The following POU2F2 variants were observed in gnomAD, a reference collection of about 807,000 sequenced individuals.
POU2F2 encodes POU class 2 homeobox 2.
POU2F2 carries 14 observed loss-of-function variants against 63.5 expected under a neutral mutation model. The observed-to-expected ratio is 0.22, with a 90% confidence interval of 0.15 to 0.34. POU2F2 has a LOEUF of 0.34. Ranked by LOEUF, POU2F2 falls within the 10% of genes least tolerant of loss-of-function variation. The pLI is 1.00. For synonymous variants in POU2F2, 306 were observed against 348.6 expected (o/e 0.88, Z 1.36); for missense variants, 607 against 815.2 (o/e 0.74, Z 3.11).
At position 42,095,492 on chromosome 19, in the gene POU2F2, C is replaced by T. The variant is rs752551638; in HGVS notation, c.1021-30G>A. On this transcript the variant is annotated intron_variant, in intron 10 of 14. Coordinates refer to ENST00000692977, the MANE Select transcript of POU2F2 (RefSeq NM_001394376.1). The surrounding 1 kb of genome is among the most constrained non-coding windows in gnomAD (Gnocchi z 7.1). ...AGGCAGAGGGCTCGTTAGCCCGAGG[C>T]CCACCGCCCGCCACCCCTCAGGTGA... 1 of 1,606,294 alleles carries T rather than the reference C, an allele frequency of 6.2e-7. No homozygotes were observed. The highest frequency in any genetic ancestry group is 8.5e-7 in the Non-Finnish European group (1 of 1,176,656).
intron 2 of POU2F2, among the ~76,000 whole-genome samples, chr19:42,150,806 G>A (rs936648383): frequency 7.2e-5 from 11 of 152,270 alleles, no homozygotes; most frequent in South Asian, 2.1e-4. Flanking sequence ...CAGGCCGGGT[G>A]GGGGTGGGGT....
chr19:42,101,288 G>A (rs1599983551), intron 5 of POU2F2, among the ~76,000 whole-genome samples: 1 of 151,404 alleles, frequency 6.6e-6, no homozygotes, highest in African/African-American at 2.4e-5. Flanking sequence ...AAAAAGGTAA[G>A]TTGGAATCCT....
chr19:42,092,137 G>C lies in POU2F2; in HGVS notation c.1398C>G (p.Asn466Lys). 3.2e-6 allele frequency: 5 copies of C among 1,585,226 alleles called. No homozygotes were observed. The highest frequency in any genetic ancestry group is 4.3e-6 in the Non-Finnish European group (5 of 1,167,236). The change falls in exon 13 of 15, where the codon AAC becomes AAG. Residue 466 changes from asparagine (N) to lysine (K), a missense_variant. Coordinates refer to ENST00000692977, the MANE Select transcript of POU2F2 (RefSeq NM_001394376.1). This position sits in a 1 kb window ranked among gnomAD's most constrained non-coding sequence, Gnocchi z 5.0. ...TGCCTTGAGGGCTGGGGTTTGTGCTGTTGGTGGTGGCCGGGGGTGGGGGAG... is the reference window on the plus strand; with the variant it reads ...TGCCTTGAGGGCTGGGGTTTGTGCTCTTGGTGGTGGCCGGGGGTGGGGGAG... Reference protein sequence around the residue: ...SVTPPPPATTNSTNPSPQGSH... With the variant: ...SVTPPPPATTKSTNPSPQGSH...
chr19:42,134,605 C>T (rs902005783), upstream of POU2F2: 1 of 152,492 alleles, frequency 6.6e-6, no homozygotes, highest in Admixed American at 6.5e-5. Context: ...GGCCTCGTTG[C>T]CACAGAAGAG....
intron 5 of POU2F2, among the ~76,000 whole-genome samples, chr19:42,111,895 T>C (rs970343511): frequency 5.3e-5 from 8 of 151,818 alleles, no homozygotes; most frequent in African/African-American, 1.9e-4. Context: ...GGCAGAGGAG[T>C]GGCCGTTCTC....
At chr19:42,122,691 A>AG in intron 1 of POU2F2, 115 bp from the exon 2 acceptor site, 1 of 950,492 alleles carries the variant, frequency 1.1e-6, no homozygotes, top group Non-Finnish European at 1.5e-6. Flanking sequence ...CCTTACCCCC[A>AG]GCCACCTTGG....
chr19:42,197,178 C>T (rs139542915), upstream of POU2F2, among the ~76,000 whole-genome samples: 1 of 152,322 alleles, frequency 6.6e-6, no homozygotes, highest in East Asian at 1.9e-4. Context: ...AATTCCCCAC[C>T]TCATTCCCCA....
Position 42,188,688 on chromosome 19 carries a change from A to G in POU2F2, c.-70+7695T>C, listed in dbSNP as rs372667091. Among the ~76,000 whole-genome samples the G allele has an allele frequency of 1.7e-3, 253 of 146,072 alleles. 3 individuals are homozygous for G. The highest frequency in any genetic ancestry group is 6.1e-3 in the African/African-American group (242 of 39,794). On this transcript the variant is annotated intron_variant, in intron 1 of 5. Transcript: ENST00000532176. ...TCATCTCAAAAAAAAAAAAAAAAAG[A>G]AAGAAAGTGAAAGAAAGACAGAGAG...
chr19:42,192,375 AT>A (rs1245106775), intron 1 of POU2F2, among the ~76,000 whole-genome samples: 1 of 152,134 alleles, frequency 6.6e-6, no homozygotes, highest in African/African-American at 2.4e-5. Flanking sequence ...TCCCTCTTAC[AT>A]CCCTTTGAGA....
At chr19:42,192,402 T>C (rs189904632) in intron 1 of POU2F2, among the ~76,000 whole-genome samples, 2 of 152,268 alleles carry the variant, frequency 1.3e-5, no homozygotes, top group East Asian at 1.9e-4. Context: ...CCAGTGATCA[T>C]GTTCCCTACT....
chr19:42,142,871 A>AT (rs1044956491), intron 2 of POU2F2, among the ~76,000 whole-genome samples: 92 of 152,216 alleles, frequency 6.0e-4, no homozygotes, highest in African/African-American at 2.1e-3. Flanking sequence ...GCCTGTACTC[A>AT]TTTTTTTAAT....
Position 42,095,068 on chromosome 19 carries a change from T to G in POU2F2, c.1197+218A>C, listed in dbSNP as rs1364208273. On this transcript the variant is annotated intron_variant, in intron 11 of 14. Transcript: ENST00000692977. The surrounding 1 kb of genome is among the most constrained non-coding windows in gnomAD (Gnocchi z 7.1). ...TGTGATAACTCTGTGTCTGGCTATG[T>G]CGGTGTGTATCTAGGGGTGCTTGTA... is the stretch of plus-strand genomic sequence containing the variant. Among the ~76,000 whole-genome samples, 1 of 152,196 alleles carries G rather than the reference T, an allele frequency of 6.6e-6. No individual in the cohort carries two copies. The highest frequency in any genetic ancestry group is 1.5e-5 in the Non-Finnish European group (1 of 68,032).
chr19:42,106,761 A>AAGAAGGAGGAAGAGG (rs1272588832), intron 5 of POU2F2, among the ~76,000 whole-genome samples: 12 of 149,876 alleles, frequency 8.0e-5, no homozygotes, highest in African/African-American at 2.7e-4. Context: ...AGAAAAAAAC[A>AAGAAGGAGGAAGAGG]AGAAGGAGGA....
rs2034994482 is a variant in POU2F2 at position 42,184,550 on chromosome 19, G to A, written c.-70+11833C>T. Among the ~76,000 whole-genome samples the A allele has an allele frequency of 2.0e-5, 3 of 152,044 alleles. No individual in the cohort carries two copies. In the South Asian group the frequency reaches 6.2e-4, roughly 32 times the overall value. Reference sequence around the variant, plus strand: ...AGTGATGCATGACTAAGGACGAAGGGACACCTCCAAGTCCAGGCCCAGCAT... The same window carrying A: ...AGTGATGCATGACTAAGGACGAAGGAACACCTCCAAGTCCAGGCCCAGCAT... On this transcript the variant is annotated intron_variant, in intron 1 of 5. Transcript: ENST00000532176.
intron 1 of POU2F2, among the ~76,000 whole-genome samples, chr19:42,122,780 C>T (rs1453342545): frequency 2.0e-5 from 3 of 152,188 alleles, no homozygotes; most frequent in Admixed American, 6.5e-5. Flanking sequence ...AGCACTTAGG[C>T]CTTGGGGGAT....
intron 1 of POU2F2, among the ~76,000 whole-genome samples, chr19:42,161,623 G>A (rs1262711666): frequency 1.3e-5 from 2 of 151,922 alleles, no homozygotes; most frequent in African/African-American, 4.8e-5. Context: ...AATAGACAGA[G>A]AGGAATGAAG....
chr19:42,133,381 A>G (rs147084967), upstream of POU2F2: 47 of 152,794 alleles, frequency 3.1e-4, no homozygotes, highest in Middle Eastern at 0.01. This position sits in a 1 kb window ranked among gnomAD's most constrained non-coding sequence, Gnocchi z 5.1. Flanking sequence ...ACAAAGGCGC[A>G]GGACTCCCGG....
intron 5 of POU2F2, chr19:42,116,867 A>AGGAGGCGGAGGCGGC (rs1555721080): frequency 2.3e-6 from 1 of 441,746 alleles, no homozygotes; most frequent in Non-Finnish European, 4.5e-6. Flanking sequence ...GAAGTAGAGG[A>AGGAGGCGGAGGCGGC]GGAGGCGGAG....
intron 1 of POU2F2, among the ~76,000 whole-genome samples, chr19:42,196,154 G>A (rs1450399093): frequency 6.6e-6 from 1 of 152,042 alleles, no homozygotes; most frequent in African/African-American, 2.4e-5. Flanking sequence ...CCTGGGCTCC[G>A]ACCCGCTGTG....
Sources: allele counts gnomAD v4.1 joint callset (sites outside exome capture counted in the v4.1 genomes callset), GRCh38; gene constraint gnomAD v4.1.1; non-coding constraint Gnocchi (gnomAD v3.1); transcripts MANE v1.5; gene names NCBI Gene and HGNC (gene_info 2026-07-23, HGNC 2026-07-21).